The following SMAP1 variants were observed in gnomAD, a reference collection of about 807,000 sequenced individuals.
SMAP1 encodes the protein small ArfGAP 1.
SMAP1 carries 24 observed loss-of-function variants against 58.5 expected under a neutral mutation model. The observed-to-expected ratio is 0.41, with a 90% CI of 0.30 to 0.58. The LOEUF is 0.58. Among genes scored for constraint, SMAP1 ranks in the 20% least tolerant of loss-of-function variants. SMAP1 has a pLI of 0.29. For missense variants in SMAP1, 563 were observed against 566.3 expected (o/e 0.99, Z 0.06); for synonymous variants, 216 against 196.6 (o/e 1.10, Z -0.82).
chr6:70,859,377 T>C, intron 10 of SMAP1: 1 of 1,549,560 alleles, frequency 6.5e-7, no homozygotes, highest in Non-Finnish European at 8.7e-7. Context: ...CAGTGCAATC[T>C]ACTGGCCAAT....
chr6:70,712,390 C>G (rs1768090361), intron 1 of SMAP1, among the ~76,000 whole-genome samples: 1 of 152,202 alleles, frequency 6.6e-6, no homozygotes, highest in African/African-American at 2.4e-5. Flanking sequence ...TGGCTTACAG[C>G]TTTCTTTCCT....
At chr6:70,679,786 A>G (rs1766627040) in intron 1 of SMAP1, among the ~76,000 whole-genome samples, 3 of 152,170 alleles carry the variant, frequency 2.0e-5, no homozygotes, top group Admixed American at 6.5e-5. Context: ...AAGACTCAAT[A>G]TTTTTAAGAT....
chr6:70,843,858 T>A (rs1443686349), intron 7 of SMAP1, among the ~76,000 whole-genome samples: 4 of 152,204 alleles, frequency 2.6e-5, no homozygotes, highest in Non-Finnish European at 4.4e-5. Context: ...CACACAGTCC[T>A]GTGCTGAGAC....
At chr6:70,809,766 G>A (rs1769306537) in intron 6 of SMAP1, among the ~76,000 whole-genome samples, 1 of 152,198 alleles carries the variant, frequency 6.6e-6, no homozygotes, top group Admixed American at 6.5e-5. Context: ...ATTTGTATAA[G>A]TAGTTTTGGA....
At chr6:70,848,734 C>T (rs1046407849) in intron 7 of SMAP1, among the ~76,000 whole-genome samples, 1 of 152,136 alleles carries the variant, frequency 6.6e-6, no homozygotes, top group Non-Finnish European at 1.5e-5. Flanking sequence ...GTAATGATAA[C>T]GAGTCTTTAA....
intron 1 of SMAP1, among the ~76,000 whole-genome samples, chr6:70,731,941 G>C (rs4707849): frequency 0.99 from 150,642 of 152,310 alleles, 74,500 homozygotes; most frequent in East Asian, 1. Context: ...TGCTTATTTC[G>C]CATTGGGCTG....
At chr6:70,681,289 G>T (rs1182561312) in intron 1 of SMAP1, among the ~76,000 whole-genome samples, 1 of 152,010 alleles carries the variant, frequency 6.6e-6, no homozygotes, top group Non-Finnish European at 1.5e-5. Flanking sequence ...AAAAATAGCT[G>T]GGTGTGGTGG....
At chr6:70,785,986 A>C (rs1328623836) in intron 4 of SMAP1, among the ~76,000 whole-genome samples, 2 of 152,224 alleles carry the variant, frequency 1.3e-5, no homozygotes, top group African/African-American at 4.8e-5. Flanking sequence ...AAAGCCTGAC[A>C]GAGACACAAC....
chr6:70,815,505 T>C (rs1208166988), intron 6 of SMAP1, among the ~76,000 whole-genome samples: 1 of 152,178 alleles, frequency 6.6e-6, no homozygotes, highest in Non-Finnish European at 1.5e-5. Context: ...TTTAAGGTCC[T>C]CTTTAGAAAG....
At chr6:70,785,682 A>G (rs1767984638) in intron 4 of SMAP1, among the ~76,000 whole-genome samples, 2 of 152,242 alleles carry the variant, frequency 1.3e-5, no homozygotes, top group South Asian at 4.1e-4. Flanking sequence ...ACCTCTACGC[A>G]AATAAACTAG....
At chr6:70,771,377 G>C (rs1484360828) in intron 3 of SMAP1, among the ~76,000 whole-genome samples, 2 of 152,216 alleles carry the variant, frequency 1.3e-5, no homozygotes, top group Non-Finnish European at 2.9e-5. Flanking sequence ...AGGCCGGCAG[G>C]CCTCCTTGAG....
chr6:70,702,641 C>CTTT, intron 1 of SMAP1, among the ~76,000 whole-genome samples: 1 of 144,586 alleles, frequency 6.9e-6, no homozygotes. Flanking sequence ...TCTTCTTCTT[C>CTTT]TTTTTTTTTT....
At chr6:70,733,772 C>T (rs758557765) in intron 2 of SMAP1, among the ~76,000 whole-genome samples, 10 of 152,024 alleles carry the variant, frequency 6.6e-5, no homozygotes, top group Non-Finnish European at 1.0e-4. Context: ...CATTCACGAC[C>T]GAAGTATCCT....
At position 70,755,070 on chromosome 6, in the gene SMAP1, C is replaced by T. The variant is rs1349773262; in HGVS notation, c.338+5C>T. ...TCGAAGACCACAGACAGATCAGTAT[C>T]CTTTAAAACTTATTTGTTTTGAGTT... is the stretch of plus-strand genomic sequence containing the variant. On this transcript the variant is annotated splice_donor_5th_base_variant and intron_variant, in intron 3 of 10. Transcript: ENST00000370455. 1 of 1,594,650 alleles carries T rather than the reference C, an allele frequency of 6.3e-7. No homozygotes were observed. Among genetic ancestry groups the T allele is most frequent in the Non-Finnish European group, 8.6e-7 (1 of 1,167,216 alleles).
intron 1 of SMAP1, among the ~76,000 whole-genome samples, chr6:70,706,390 T>C (rs1447973797): frequency 6.6e-6 from 1 of 152,148 alleles, no homozygotes; most frequent in Admixed American, 6.5e-5. Context: ...TTAGTGAAGA[T>C]CGTGTTTGTT....
At chr6:70,715,750 A>G (rs922358934) in intron 1 of SMAP1, among the ~76,000 whole-genome samples, 6 of 151,916 alleles carry the variant, frequency 3.9e-5, no homozygotes, top group African/African-American at 1.5e-4. Context: ...TTTATTTTTT[A>G]TTTCCATAGG....
In SMAP1 at chr6:70,857,014, A is replaced by G; in HGVS notation, c.945A>G (p.Gln315=). Residue 315 remains glutamine (Q), a synonymous_variant, in exon 9 of 11, where the codon CAA becomes CAG. Coordinates refer to ENST00000370455, the MANE Select transcript of SMAP1 (RefSeq NM_001044305.3). ...ILSLYGTGTI[Q]QQSTPGVFMG... The stretch of plus-strand genomic sequence containing the variant: ...CTCTGTATGGCACAGGAACCATTCA[A>G]CAGCAAAGTACTCCTGGTAATGAAT... 6.2e-7 allele frequency: 1 copy of G among 1,608,376 alleles called. No individual in the cohort carries two copies. Among genetic ancestry groups the G allele is most frequent in the Middle Eastern group, 1.7e-4 (1 of 6,022 alleles).
intron 1 of SMAP1, chr6:70,694,653 A>G (rs1233459386): frequency 1.3e-5 from 2 of 152,526 alleles, no homozygotes; most frequent in East Asian, 3.9e-4. Flanking sequence ...CAGCAATTGC[A>G]GAAGAATCCA....
chr6:70,727,810 C>T (rs1227525651), intron 1 of SMAP1, among the ~76,000 whole-genome samples: 2 of 152,166 alleles, frequency 1.3e-5, no homozygotes, highest in East Asian at 1.9e-4. Flanking sequence ...TACCTGTAAT[C>T]CCAGCAGTTT....
Sources: allele counts gnomAD v4.1 joint callset (sites outside exome capture counted in the v4.1 genomes callset), GRCh38; gene constraint gnomAD v4.1.1; transcripts MANE v1.5; gene names NCBI Gene and HGNC (gene_info 2026-07-23, HGNC 2026-07-21).